Variants in KIAA1217 observed in about 807,000 individuals in gnomAD.
The protein encoded by KIAA1217 is KIAA1217.
Under a neutral mutation model 163.9 loss-of-function variants are expected in KIAA1217, and 88 were observed. The observed-to-expected ratio is 0.54, with a 90% CI of 0.45 to 0.64. The LOEUF (loss-of-function observed/expected upper bound fraction) is 0.64. Ranked by LOEUF, KIAA1217 falls within the 30% of genes least tolerant of loss-of-function variation. The probability of loss-of-function intolerance (pLI) is 0.00; values close to 1 mark genes in which losing one functional copy is unlikely to be tolerated. For missense variants in KIAA1217, 2,372 were observed against 2,475.0 expected (o/e 0.96, Z 0.88); for synonymous variants, 903 against 923.1 (o/e 0.98, Z 0.39).
At chr10:24,145,205 G>A (rs185392049) in intron 2 of KIAA1217, among the ~76,000 whole-genome samples, 1 of 152,106 alleles carries the variant, frequency 6.6e-6, no homozygotes, top group African/African-American at 2.4e-5. Context: ...CCCATTTCCC[G>A]CGGTCACACA....
intron 1 of KIAA1217, among the ~76,000 whole-genome samples, chr10:23,975,961 A>T (rs1244547515): frequency 6.6e-6 from 1 of 152,102 alleles, no homozygotes; most frequent in Non-Finnish European, 1.5e-5. Context: ...CTAGGAGCTC[A>T]CTAGTCTATG....
chr10:23,702,666 T>TACACACACACACAC (rs377621544), intron 1 of KIAA1217, among the ~76,000 whole-genome samples: 3 of 134,422 alleles, frequency 2.2e-5, no homozygotes, highest in East Asian at 2.2e-4. Context: ...AACAGGAGAA[T>TACACACACACACAC]ACACACACAC....
At chr10:23,995,749 A>G (rs920105443) in intron 1 of KIAA1217, among the ~76,000 whole-genome samples, 2 of 152,212 alleles carry the variant, frequency 1.3e-5, no homozygotes, top group Non-Finnish European at 2.9e-5. Context: ...GTTATGAACC[A>G]GGTGCTGCCT....
intron 2 of KIAA1217, 71 bp downstream of exon 2, chr10:24,219,980 T>A: frequency 6.9e-7 from 1 of 1,456,506 alleles, no homozygotes; most frequent in South Asian, 1.4e-5. Flanking sequence ...CAAACTTACT[T>A]TCTTTGTAAA....
At chr10:24,360,496 A>G (rs1233450579) in intron 2 of KIAA1217, among the ~76,000 whole-genome samples, 1 of 152,214 alleles carries the variant, frequency 6.6e-6, no homozygotes, top group East Asian at 1.9e-4. Flanking sequence ...GTGGGCTTTA[A>G]CTATGCAAGC....
intron 1 of KIAA1217, among the ~76,000 whole-genome samples, chr10:23,953,316 C>A (rs76174929): frequency 1.2e-4 from 19 of 152,194 alleles, no homozygotes; most frequent in African/African-American, 4.3e-4. Flanking sequence ...AAGTCAATAA[C>A]GATTCTCCTC....
chr10:24,478,298 T>C (rs148090887), intron 6 of KIAA1217, among the ~76,000 whole-genome samples: 24 of 152,354 alleles, frequency 1.6e-4, no homozygotes, highest in East Asian at 1.2e-3. Flanking sequence ...TGAAAATAGC[T>C]CACTCAAGAC....
chr10:23,907,816 C>T (rs1842234585), intron 1 of KIAA1217, among the ~76,000 whole-genome samples: 1 of 152,108 alleles, frequency 6.6e-6, no homozygotes, highest in Non-Finnish European at 1.5e-5. Flanking sequence ...ATAAAATTGA[C>T]TCTCAGAAGG....
intron 2 of KIAA1217, among the ~76,000 whole-genome samples, chr10:24,344,807 C>T (rs1423536751): frequency 6.6e-6 from 1 of 152,128 alleles, no homozygotes; most frequent in Admixed American, 6.5e-5. Flanking sequence ...ATCTGTCTTC[C>T]ATATGTTTAA....
At chr10:24,264,167 A>G (rs1386118487) in intron 2 of KIAA1217, among the ~76,000 whole-genome samples, 1 of 151,998 alleles carries the variant, frequency 6.6e-6, no homozygotes, top group African/African-American at 2.4e-5. Context: ...CCCATCACAC[A>G]CTCTAAATCC....
intron 2 of KIAA1217, among the ~76,000 whole-genome samples, chr10:24,135,942 C>T: frequency 6.6e-6 from 1 of 152,208 alleles, no homozygotes; most frequent in Non-Finnish European, 1.5e-5. Flanking sequence ...ATGCTGAAAA[C>T]AGGAGACAGA....
intron 2 of KIAA1217, among the ~76,000 whole-genome samples, chr10:24,022,018 A>G (rs768000242): frequency 6.6e-6 from 1 of 151,748 alleles, no homozygotes. Flanking sequence ...TCTTTTAATC[A>G]TTTAAGATTT....
At chr10:23,884,170 T>A (rs753532909) in intron 1 of KIAA1217, among the ~76,000 whole-genome samples, 1 of 151,922 alleles carries the variant, frequency 6.6e-6, no homozygotes, top group Non-Finnish European at 1.5e-5. Context: ...TGTTTAGTGC[T>A]GTAAGAAACT....
intron 1 of KIAA1217, among the ~76,000 whole-genome samples, chr10:23,836,159 A>G (rs1346605882): frequency 6.6e-6 from 1 of 152,180 alleles, no homozygotes; most frequent in Non-Finnish European, 1.5e-5. Context: ...GATATAACCT[A>G]TCAGTCTGTG....
At chr10:23,940,460 CA>C (rs760090400) in intron 1 of KIAA1217, among the ~76,000 whole-genome samples, 3,642 of 45,912 alleles carry the variant, frequency 0.079, 22 homozygotes, top group African/African-American at 0.22. Context: ...GACTCCGTCT[CA>C]AAAAAAAAAA....
chr10:24,056,762 C>A (rs2131592445), intron 2 of KIAA1217, among the ~76,000 whole-genome samples: 1 of 152,174 alleles, frequency 6.6e-6, no homozygotes, highest in East Asian at 1.9e-4. Flanking sequence ...CCCGCTGAAT[C>A]TGATCTACAT....
intron 2 of KIAA1217, among the ~76,000 whole-genome samples, chr10:24,238,189 C>T (rs938117503): frequency 5.9e-5 from 9 of 152,240 alleles, no homozygotes; most frequent in East Asian, 3.8e-4. Flanking sequence ...ATCTTGCTCG[C>T]GGCTGCCTCC....
intron 2 of KIAA1217, among the ~76,000 whole-genome samples, chr10:24,026,996 T>C (rs528874373): frequency 4.6e-5 from 7 of 152,204 alleles, no homozygotes; most frequent in South Asian, 2.1e-4. Flanking sequence ...AATTTTTCTT[T>C]TTTCATCTTT....
intron 1 of KIAA1217, among the ~76,000 whole-genome samples, chr10:23,762,051 C>A (rs1170301286): frequency 1.3e-5 from 2 of 151,964 alleles, no homozygotes; most frequent in Non-Finnish European, 2.9e-5. Context: ...AAGACTAAAC[C>A]AGGAAGAAGT....
Sources: gnomAD v4.1 joint callset for allele counts (sites outside exome capture counted in the v4.1 genomes callset) on GRCh38, gnomAD v4.1.1 for gene constraint, MANE v1.5 for transcripts, NCBI Gene and HGNC (gene_info 2026-07-23, HGNC 2026-07-21) for gene names.